The following LRP1B variants were observed in gnomAD, a reference collection of about 807,000 sequenced individuals.
The protein encoded by LRP1B is LDL receptor related protein 1B, also known as low-density lipoprotein receptor-related protein 1B.
A neutral mutation model predicts 556.6 loss-of-function variants in LRP1B; 217 were observed. The ratio of observed to expected loss-of-function variants is 0.39; its 90% CI spans 0.35 to 0.44. The LOEUF is 0.44. Among genes scored for constraint, LRP1B ranks in the 20% least tolerant of loss-of-function variants. The pLI, the probability that LRP1B is intolerant of heterozygous loss-of-function variation, is 1.00. For missense variants in LRP1B, 5,053 were observed against 5,620.8 expected, an observed-to-expected ratio of 0.90 and a Z score of 3.23; for synonymous variants, 2,047 against 1,865.8, an observed-to-expected ratio of 1.10 and a Z score of -2.50.
chr2:141,470,471 G>A (rs987586867), intron 3 of LRP1B, among the ~76,000 whole-genome samples: 1 of 152,156 alleles, frequency 6.6e-6, no homozygotes, highest in Admixed American at 6.5e-5. Flanking sequence ...GTCTTCAGTT[G>A]AAATTCTACA....
At chr2:141,839,684 A>G (rs1438912593) in intron 1 of LRP1B, among the ~76,000 whole-genome samples, 1 of 152,180 alleles carries the variant, frequency 6.6e-6, no homozygotes, top group African/African-American at 2.4e-5. Context: ...CTATGAAAGT[A>G]AAGAAAATCT....
intron 7 of LRP1B, among the ~76,000 whole-genome samples, chr2:141,092,037 G>A (rs141442185): frequency 0.018 from 2,690 of 152,228 alleles, 36 homozygotes; most frequent in South Asian, 0.029. Flanking sequence ...GAAGTATTTG[G>A]AATCTTTATT....
At chr2:140,347,616 G>A (rs1318966135) in intron 77 of LRP1B, among the ~76,000 whole-genome samples, 1 of 151,822 alleles carries the variant, frequency 6.6e-6, no homozygotes, top group Non-Finnish European at 1.5e-5. Context: ...AATATTTTTA[G>A]TATCTGCAAG....
rs374275800 is a variant in LRP1B, at chr2:140,273,209, C to T, written c.13142+1215G>A. On this transcript the variant is annotated intron_variant, in intron 85 of 90. Transcript: ENST00000389484. ...TGGAATGGAGTTGTAAAGAAGATTC[C>T]ACAGCTTATCCTGATATGGTGCACA... is the stretch of plus-strand genomic sequence containing the variant. 3.3e-5 allele frequency among the ~76,000 whole-genome samples: 5 copies of T among 151,824 alleles called. No individual in the cohort carries two copies. In the East Asian group the frequency reaches 5.8e-4, roughly 18 times the overall value.
intron 1 of LRP1B, among the ~76,000 whole-genome samples, chr2:141,981,235 G>A (rs1010971675): frequency 1.3e-5 from 2 of 152,164 alleles, no homozygotes; most frequent in Middle Eastern, 3.4e-3. Flanking sequence ...ACAAGGCCAT[G>A]GTATAGAATG....
At chr2:140,753,053 C>T (rs919291831) in intron 35 of LRP1B, among the ~76,000 whole-genome samples, 1 of 152,132 alleles carries the variant, frequency 6.6e-6, no homozygotes, top group Non-Finnish European at 1.5e-5. Flanking sequence ...TTCCCCCATC[C>T]CCTGGCAAAC....
intron 20 of LRP1B, among the ~76,000 whole-genome samples, chr2:140,924,230 A>C (rs1694822375): frequency 6.6e-6 from 1 of 151,992 alleles, no homozygotes; most frequent in Admixed American, 6.6e-5. Flanking sequence ...ATCTAATGTC[A>C]AAGTTCCTAA....
intron 7 of LRP1B, among the ~76,000 whole-genome samples, chr2:141,168,320 C>T (rs1164226360): frequency 6.6e-6 from 1 of 152,054 alleles, no homozygotes; most frequent in East Asian, 1.9e-4. Context: ...TGTTCTCCAT[C>T]TGCCTGAAAG....
chr2:141,585,597 C>T (rs1164482539), intron 2 of LRP1B, among the ~76,000 whole-genome samples: 1 of 151,944 alleles, frequency 6.6e-6, no homozygotes, highest in Non-Finnish European at 1.5e-5. Flanking sequence ...CTAAATATGC[C>T]TGTGTGTGTG....
intron 3 of LRP1B, among the ~76,000 whole-genome samples, chr2:141,336,708 G>A (rs1167937911): frequency 6.6e-6 from 1 of 152,058 alleles, no homozygotes; most frequent in Non-Finnish European, 1.5e-5. Context: ...TATCTTTCTA[G>A]TCATAATTTC....
At chr2:141,355,742 G>A (rs1688604489) in intron 3 of LRP1B, among the ~76,000 whole-genome samples, 1 of 151,986 alleles carries the variant, frequency 6.6e-6, no homozygotes, top group Admixed American at 6.6e-5. Flanking sequence ...AGTATTATAA[G>A]AGATAATCTA....
chr2:141,351,163 C>G (rs928517792), intron 3 of LRP1B, among the ~76,000 whole-genome samples: 2 of 151,958 alleles, frequency 1.3e-5, no homozygotes, highest in African/African-American at 4.8e-5. Context: ...GATATAAGCA[C>G]TGGATTAAGA....
At chr2:141,265,955 A>G (rs1162982534) in intron 3 of LRP1B, among the ~76,000 whole-genome samples, 1 of 152,212 alleles carries the variant, frequency 6.6e-6, no homozygotes, top group Admixed American at 6.5e-5. Flanking sequence ...GTCGGGTTAG[A>G]GCCATAGAAC....
At chr2:141,319,873 C>T (rs991533157) in intron 3 of LRP1B, among the ~76,000 whole-genome samples, 6 of 152,022 alleles carry the variant, frequency 3.9e-5, no homozygotes, top group African/African-American at 1.4e-4. Flanking sequence ...ATTAGAAAAC[C>T]TAAATCCTAA....
At chr2:141,185,740 T>G (rs1404684129) in intron 7 of LRP1B, among the ~76,000 whole-genome samples, 8 of 147,298 alleles carry the variant, frequency 5.4e-5, no homozygotes, top group African/African-American at 2.0e-4. Context: ...TCTTCAATAG[T>G]CCTTAGCAAC....
At chr2:141,262,323 T>C (rs975040023) in intron 3 of LRP1B, among the ~76,000 whole-genome samples, 23 of 151,938 alleles carry the variant, frequency 1.5e-4, no homozygotes, top group African/African-American at 5.6e-4. Context: ...ATATGTATTC[T>C]GGATACAAGT....
chr2:141,796,899 C>A (rs912951070), intron 2 of LRP1B, among the ~76,000 whole-genome samples: 2 of 151,226 alleles, frequency 1.3e-5, no homozygotes, highest in Admixed American at 6.6e-5. Context: ...TGTTTCATTG[C>A]TGAACCAATT....
Position 140,771,566 on chromosome 2 carries a change from T to A in LRP1B, c.5501-560A>T, listed in dbSNP as rs116962465. Among the ~76,000 whole-genome samples, 839 of 152,264 alleles carry A rather than the reference T, an allele frequency of 5.5e-3. 29 individuals carry two copies. Among genetic ancestry groups the A allele is most frequent in the Admixed American group, 0.046 (703 of 15,296 alleles). ...TATATGAAAAACACAGCCATAAGAA[T>A]CATCTAATTAATTGGCATATTAATT... is the stretch of plus-strand genomic sequence containing the variant. On this transcript the variant is annotated intron_variant, in intron 33 of 90. Coordinates refer to ENST00000389484, the MANE Select transcript of LRP1B (RefSeq NM_018557.3).
chr2:141,919,938 C>A (rs575877947), intron 1 of LRP1B, among the ~76,000 whole-genome samples: 1 of 152,042 alleles, frequency 6.6e-6, no homozygotes, highest in South Asian at 2.1e-4. Flanking sequence ...CAGAATTTTT[C>A]TCTTTATCTC....
Sources: gnomAD v4.1 joint callset for allele counts (sites outside exome capture counted in the v4.1 genomes callset) on GRCh38, gnomAD v4.1.1 for gene constraint, MANE v1.5 for transcripts, NCBI Gene and HGNC (gene_info 2026-07-23, HGNC 2026-07-21) for gene names.